The following ZBTB25 variants were observed in gnomAD, a reference collection of about 807,000 sequenced individuals.
ZBTB25 encodes zinc finger and BTB domain containing 25.
ZBTB25 carries 20 observed loss-of-function variants against 34.2 expected under a neutral mutation model. That is an observed-to-expected ratio of 0.58 (90% CI 0.41 to 0.85). The LOEUF is 0.85. Ranked by LOEUF, ZBTB25 falls within the 40% of genes least tolerant of loss-of-function variation. The pLI is 0.00. For missense variants in ZBTB25, 437 were observed against 521.8 expected (o/e 0.84, Z 1.58); for synonymous variants, 175 against 186.4 (o/e 0.94, Z 0.50).
intron 1 of ZBTB25, among the ~76,000 whole-genome samples, chr14:64,494,896 G>A (rs565510579): frequency 2.8e-4 from 43 of 152,298 alleles, no homozygotes; most frequent in African/African-American, 9.6e-4. Flanking sequence ...TGACTTATCT[G>A]TCATATCTGA....
At chr14:64,467,328 T>C (rs763045299) in intron 2 of ZBTB25, 2 of 152,214 alleles carry the variant, frequency 1.3e-5, no homozygotes, top group African/African-American at 2.4e-5. Context: ...GAGATGTATG[T>C]AAAAGTGCAT....
chr14:64,463,608 T>C (rs528178605), intron 2 of ZBTB25, among the ~76,000 whole-genome samples: 9 of 142,382 alleles, frequency 6.3e-5, no homozygotes, highest in East Asian at 2.1e-4. Context: ...CTGGGCAACA[T>C]AGGGAGACGC....
intron 2 of ZBTB25, chr14:64,453,754 C>G: frequency 6.3e-7 from 1 of 1,589,038 alleles, no homozygotes; most frequent in Non-Finnish European, 8.6e-7. Flanking sequence ...TGTGCATTAG[C>G]TCCCAGTTGA....
intron 2 of ZBTB25, among the ~76,000 whole-genome samples, chr14:64,466,227 G>A (rs2078611965): frequency 1.3e-5 from 2 of 152,218 alleles, no homozygotes; most frequent in Admixed American, 1.3e-4. Context: ...AGCTACCCTT[G>A]CTGGTTAAGA....
rs2078744481 is a variant in ZBTB25 at position 64,478,741 on chromosome 14, T to G, written c.*8182A>C. 6.6e-6 allele frequency: 1 copy of G among 152,202 alleles called. No individual in the cohort carries two copies. The highest frequency in any genetic ancestry group is 6.5e-5 in the Admixed American group (1 of 15,274). 9.4% of individuals were successfully genotyped at this position (152,202 alleles called of 1,614,324 possible). A position where few individuals can be genotyped will look rare whatever the true frequency, so the allele number is the denominator to read the frequency against. On this transcript the variant is annotated 3_prime_UTR_variant, in exon 3 of 3. Coordinates refer to ENST00000608382, the MANE Select transcript of ZBTB25 (RefSeq NM_006977.5). ...AGTACCTTATGAAATTTTAAGAAAATTCTCATTAGTCTTGACTCTATAAAG... is the reference window on the plus strand; with the variant it reads ...AGTACCTTATGAAATTTTAAGAAAAGTCTCATTAGTCTTGACTCTATAAAG...
downstream of ZBTB25, chr14:64,473,612 G>A (rs547867423): frequency 6.0e-6 from 1 of 167,134 alleles, no homozygotes; most frequent in African/African-American, 2.4e-5. Context: ...AGTTAAGAAT[G>A]TTTTTCGAGG....
Position 64,485,777 on chromosome 14 carries a change from A to T in ZBTB25, c.*1146T>A, listed in dbSNP as rs1260993379. ...GACGCTGAGGGTAGAAACATGATTT[A>T]TATTTTATCATCATTCTCTTTCAAC... is the stretch of plus-strand genomic sequence containing the variant. On this transcript the variant is annotated 3_prime_UTR_variant, in exon 3 of 3. Coordinates refer to ENST00000608382, the MANE Select transcript of ZBTB25 (RefSeq NM_006977.5). 7 of 985,294 alleles carry T rather than the reference A, an allele frequency of 7.1e-6. No homozygotes were observed. Among genetic ancestry groups the T allele is most frequent in the Non-Finnish European group, 8.4e-6 (7 of 829,920 alleles). The allele number at this position is 985,294 out of a possible 1,614,324, so 61.0% of individuals were successfully genotyped here. A position where few individuals can be genotyped will look rare whatever the true frequency, so the allele number is the denominator to read the frequency against.
chr14:64,469,665 A>C, intron 2 of ZBTB25: 1 of 1,583,282 alleles, frequency 6.3e-7, no homozygotes, highest in Non-Finnish European at 8.6e-7. Context: ...AAAATAAACA[A>C]TCTTCTACAG....
rs1294275192 is a variant in ZBTB25, at chr14:64,487,128, A to G, written c.1103T>C (p.Met368Thr). 6.2e-7 allele frequency: 1 copy of G among 1,614,112 alleles called. No homozygotes were observed. The highest frequency in any genetic ancestry group is 8.5e-7 in the Non-Finnish European group (1 of 1,180,050). ...FPRKSQLLEH[M>T]YTHKGKSYRY... ...GTAAGATTTACCTTTGTGTGTATAC[A>G]TGTGTTCCAACAATTGGCTCTTTCG... The change falls in exon 3 of 3, where the codon ATG (methionine) becomes ACG (threonine). Residue 368 changes from methionine to threonine, a missense_variant. By Grantham distance (81) the Met-to-Thr change is moderately conservative (BLOSUM62 -1). Transcript: ENST00000608382.
intron 2 of ZBTB25, chr14:64,458,378 C>A: frequency 1.0e-6 from 1 of 989,554 alleles, no homozygotes; most frequent in Non-Finnish European, 1.6e-6. Flanking sequence ...AGGGCTCAAA[C>A]TGACGCTATA....
At position 64,490,378 on chromosome 14, in the gene ZBTB25, T is replaced by C. The variant is rs367483; in HGVS notation, c.156A>G (p.Ile52Met). The change falls in exon 2 of 3, where the codon ATA becomes ATG. Residue 52 changes from isoleucine to methionine, a missense_variant. Ile to Met is a conservative substitution (Grantham distance 10, BLOSUM62 1). Coordinates refer to ENST00000608382, the MANE Select transcript of ZBTB25 (RefSeq NM_006977.5). ...LAAFSNYFKMIFIHQTSECIK... is the reference protein window; with the variant it reads ...LAAFSNYFKMMFIHQTSECIK... ...ATCCTTACCTTGTTTGGTGAATAAA[T>C]ATCATCTTGAAATAGTTAGAAAAAG... is the stretch of plus-strand genomic sequence containing the variant. 5.6e-6 allele frequency: 9 copies of C among 1,599,468 alleles called. No homozygotes were observed. The highest frequency in any genetic ancestry group is 7.7e-6 in the Non-Finnish European group (9 of 1,171,384).
chr14:64,460,177 G>A (rs1217742305), intron 2 of ZBTB25: 8 of 427,784 alleles, frequency 1.9e-5, no homozygotes, highest in Non-Finnish European at 3.3e-5. Context: ...GTGTATTTCT[G>A]AGAGGACACA....
At chr14:64,469,857 T>G (rs1324441673) in intron 2 of ZBTB25, 2 of 536,774 alleles carry the variant, frequency 3.7e-6, no homozygotes, top group Non-Finnish European at 6.6e-6. Flanking sequence ...ACCACTGAAA[T>G]GCAGTCACTT....
chr14:64,502,112 G>A (rs961720418), intron 1 of ZBTB25, among the ~76,000 whole-genome samples: 1 of 152,172 alleles, frequency 6.6e-6, no homozygotes, highest in African/African-American at 2.4e-5. Context: ...TTTTGGTAAA[G>A]ACACAAAGTT....
At chr14:64,470,724 A>G (rs2078661899) in intron 2 of ZBTB25, 1 of 166,904 alleles carries the variant, frequency 6.0e-6, no homozygotes, top group Non-Finnish European at 1.5e-5. Flanking sequence ...AGATCTGTAT[A>G]TATCCATTTC....
At chr14:64,450,256 G>A (rs1195316871) in intron 2 of ZBTB25, among the ~76,000 whole-genome samples, 1 of 152,226 alleles carries the variant, frequency 6.6e-6, no homozygotes, top group Non-Finnish European at 1.5e-5. Context: ...GTAATTCACT[G>A]TAGCCTTTAA....
intron 2 of ZBTB25, among the ~76,000 whole-genome samples, chr14:64,452,030 TCA>T (rs2078381344): frequency 6.6e-6 from 1 of 152,226 alleles, no homozygotes; most frequent in African/African-American, 2.4e-5. Context: ...GGCGCTGTGG[TCA>T]CACCTGTAAT....
chr14:64,503,032 G>C, intron 1 of ZBTB25: 1 of 985,428 alleles, frequency 1.0e-6, no homozygotes, highest in Non-Finnish European at 1.2e-6. Context: ...TCAGGTTCCA[G>C]GTACTACGTT....
exon 3 of ZBTB25, chr14:64,449,582 C>T: frequency 1.2e-6 from 2 of 1,614,174 alleles, no homozygotes; most frequent in Non-Finnish European, 1.7e-6. Flanking sequence ...CAGAGAGCAG[C>T]ACAAGCACCC....
Sources: allele counts gnomAD v4.1 joint callset (sites outside exome capture counted in the v4.1 genomes callset), GRCh38; gene constraint gnomAD v4.1.1; transcripts MANE v1.5; gene names NCBI Gene and HGNC (gene_info 2026-07-23, HGNC 2026-07-21).